The following NR2C2AP variants were observed in gnomAD, a reference collection of about 807,000 sequenced individuals.
NR2C2AP encodes the protein nuclear receptor 2C2 associated protein.
A neutral mutation model predicts 19.1 loss-of-function variants in NR2C2AP; 13 were observed. The ratio of observed to expected loss-of-function variants is 0.68; its 90% confidence interval spans 0.44 to 1.08. NR2C2AP has a LOEUF of 1.08. NR2C2AP is among the 50% of genes least tolerant of loss of function. The pLI is 0.00. For missense variants in NR2C2AP, 181 were observed against 172.7 expected, an observed-to-expected ratio of 1.05 and a Z score of -0.27; for synonymous variants, 81 against 64.4, an observed-to-expected ratio of 1.26 and a Z score of -1.23.
chr19:19,202,634 G>A (rs564515554), intron 2 of NR2C2AP, 59 bp from the exon 3 acceptor site: 133 of 1,471,302 alleles, frequency 9.0e-5, no homozygotes, highest in East Asian at 4.5e-4. Flanking sequence ...GCCCTGCTAT[G>A]CCTGTCTCAT....
Position 19,201,750 on chromosome 19 carries a change from G to T in NR2C2AP, c.*175C>A. 1 of 1,613,658 alleles carries T rather than the reference G, an allele frequency of 6.2e-7. No homozygotes were observed. Among genetic ancestry groups the T allele is most frequent in the Non-Finnish European group, 8.5e-7 (1 of 1,179,920 alleles). On this transcript the variant is annotated 3_prime_UTR_variant, in exon 5 of 5. Coordinates refer to ENST00000331552, the MANE Select transcript of NR2C2AP (RefSeq NM_176880.6). ...GCCTGCCGGGGACTCAGACACTCAGGGAACAAAATGGTCAGCCAGAGCTGG... is the reference window on the plus strand; with the variant it reads ...GCCTGCCGGGGACTCAGACACTCAGTGAACAAAATGGTCAGCCAGAGCTGG...
chr19:19,203,044 AC>A lies in NR2C2AP; in HGVS notation c.16del (p.Val6PhefsTer6). On this transcript the variant is annotated frameshift_variant, in exon 1 of 5. Coordinates refer to ENST00000331552, the MANE Select transcript of NR2C2AP (RefSeq NM_176880.6). LOFTEE classifies it high-confidence loss of function. Reference protein sequence around the residue: MTHSLVCPETVSRVSS... With the variant: MTHSLXCPETVSRVSS... ...TTACCTGCTCACTGTCTCTGGACAA[AC>A]CAAAGAGTGGGTCATGTCGGTTCCA... 6.2e-7 allele frequency: 1 copy of A among 1,614,052 alleles called. No homozygotes were observed. Among genetic ancestry groups the A allele is most frequent in the Non-Finnish European group, 8.5e-7 (1 of 1,179,972 alleles).
Position 19,202,392 on chromosome 19 carries a change from T to C in NR2C2AP, c.242A>G (p.Gln81Arg). 1.2e-6 allele frequency: 2 copies of C among 1,614,038 alleles called. No individual in the cohort carries two copies. Among genetic ancestry groups the C allele is most frequent in the Non-Finnish European group, 1.7e-6 (2 of 1,179,942 alleles). Residue 81 changes from glutamine (Q) to arginine (R), a missense_variant, in exon 4 of 5, where the codon CAG becomes CGG. Physicochemically the swap from Gln to Arg is conservative, Grantham distance 43. Coordinates refer to ENST00000331552, the MANE Select transcript of NR2C2AP (RefSeq NM_176880.6). ...AATCTTGTGGAGAGCCTGAGTGCCCTGTGAACCTTCAGCAGAGAAAGGCAA... is the reference window on the plus strand; with the variant it reads ...AATCTTGTGGAGAGCCTGAGTGCCCCGTGAACCTTCAGCAGAGAAAGGCAA... Reference protein sequence around the residue: ...SSRRGCLEGSQGTQALHKIVD... With the variant: ...SSRRGCLEGSRGTQALHKIVD...
In NR2C2AP at chr19:19,201,636, T is replaced by C. The variant is rs374324971; in HGVS notation, c.*289A>G. 6.2e-7 allele frequency: 1 copy of C among 1,614,058 alleles called. No individual in the cohort carries two copies. The highest frequency in any genetic ancestry group is 1.1e-5 in the South Asian group (1 of 91,084). The stretch of plus-strand genomic sequence containing the variant: ...TCAAGCTCACAGCCCACCTTTTCCC[T>C]GCCCCATCTCAGTGCAACAGGTGAT... On this transcript the variant is annotated 3_prime_UTR_variant, in exon 5 of 5. Transcript: ENST00000331552.
chr19:19,202,458 G>T lies in NR2C2AP; in HGVS notation c.235+12C>A, dbSNP rs983800586. ...ACCCCTGGAACCCCTGCCACCCAGGGCCTTCTAGTACCTTCCAGGCAGCCC... is the reference window on the plus strand; with the variant it reads ...ACCCCTGGAACCCCTGCCACCCAGGTCCTTCTAGTACCTTCCAGGCAGCCC... On this transcript the variant is annotated intron_variant, in intron 3 of 4. Transcript: ENST00000331552. The T allele has an allele frequency of 3.7e-6, 6 of 1,613,370 alleles. No homozygotes were observed. The Admixed American group carries it at 8.3e-5, about 22-fold the overall frequency.
In NR2C2AP at chr19:19,202,888, G is replaced by A. The variant is rs1399092744; in HGVS notation, c.39-7C>T. 6.2e-7 allele frequency: 1 copy of A among 1,612,474 alleles called. No homozygotes were observed. Among genetic ancestry groups the A allele is most frequent in the Admixed American group, 1.7e-5 (1 of 60,006 alleles). On this transcript the variant is annotated splice_polypyrimidine_tract_variant and splice_region_variant and intron_variant, in intron 1 of 4. Transcript: ENST00000331552. The stretch of plus-strand genomic sequence containing the variant: ...ATTCAGCACTGAACTCACCCTGGAG[G>A]CACCAGGATCAAGGCGAAGAGAGGG...
chr19:19,201,607 C>G lies in NR2C2AP; in HGVS notation c.*318G>C. 1 of 1,613,486 alleles carries G rather than the reference C, an allele frequency of 6.2e-7. No homozygotes were observed. The highest frequency in any genetic ancestry group is 1.3e-5 in the African/African-American group (1 of 75,062). The stretch of plus-strand genomic sequence containing the variant: ...TTGGCCTGTGCCTCCACCCCACTCC[C>G]GATTCAAGCTCACAGCCCACCTTTT... On this transcript the variant is annotated 3_prime_UTR_variant, in exon 5 of 5. Transcript: ENST00000331552.
chr19:19,202,624 G>T, intron 2 of NR2C2AP, 49 bp from the exon 3 acceptor site: 1 of 1,463,570 alleles, frequency 6.8e-7, no homozygotes. Context: ...CAGGCACAGA[G>T]CCCTGCTATG....
At position 19,202,779 on chromosome 19, in the gene NR2C2AP, G is replaced by T; in HGVS notation, c.129+12C>A. 6.2e-7 allele frequency: 1 copy of T among 1,611,056 alleles called. No homozygotes were observed. The highest frequency in any genetic ancestry group is 1.1e-5 in the South Asian group (1 of 91,014). On this transcript the variant is annotated intron_variant, in intron 2 of 4. Transcript: ENST00000331552. ...TCACCCTAGAGATGGAGGGTCGAGG[G>T]AGGCGCCTCACCTGGTCTGAGTTCC...
At chr19:19,202,163 C>T (rs2060730290) in intron 4 of NR2C2AP, 122 bp from the exon 5 acceptor site, 4 of 1,218,752 alleles carry the variant, frequency 3.3e-6, no homozygotes, top group Admixed American at 1.7e-5. Flanking sequence ...GCAGGTCCCT[C>T]TAAGCCTCTC....
At chr19:19,202,943 G>T (rs2060741066) in intron 1 of NR2C2AP, 62 bp from the exon 2 acceptor site, 1 of 1,607,770 alleles carries the variant, frequency 6.2e-7, no homozygotes, top group South Asian at 1.1e-5. Context: ...TCCGCGGAGG[G>T]CCTGACCCCC....
In NR2C2AP at chr19:19,201,788, C is replaced by A; in HGVS notation, c.*137G>T. 1.2e-6 allele frequency: 2 copies of A among 1,613,366 alleles called. No individual in the cohort carries two copies. Among genetic ancestry groups the A allele is most frequent in the South Asian group, 2.2e-5 (2 of 91,052 alleles). On this transcript the variant is annotated 3_prime_UTR_variant, in exon 5 of 5. Transcript: ENST00000331552. ...CAGCCAGAGCTGGGGAAACCCAGAA[C>A]TGACTTCAAAGGCAGCTTCTGGACA...
At position 19,203,145 on chromosome 19, in the gene NR2C2AP, G is replaced by T; in HGVS notation, c.-85C>A. 1 of 1,434,234 alleles carries T rather than the reference G, an allele frequency of 7.0e-7. No homozygotes were observed. 88.8% of individuals were successfully genotyped at this position (1,434,234 alleles called of 1,614,324 possible). A position where few individuals can be genotyped will look rare whatever the true frequency, so the allele number is the denominator to read the frequency against. On this transcript the variant is annotated 5_prime_UTR_variant, in exon 1 of 5. Coordinates refer to ENST00000331552, the MANE Select transcript of NR2C2AP (RefSeq NM_176880.6). ...GCGCCTCCTCAAGCTACAGGGCGGC[G>T]CGATCTTGGCTACGCCTTGGCCTGA...
chr19:19,202,204 T>A (rs1297800496), intron 4 of NR2C2AP, 127 bp downstream of exon 4: 1 of 1,186,614 alleles, frequency 8.4e-7, no homozygotes, highest in Admixed American at 1.7e-5. Flanking sequence ...AGCACCATTT[T>A]ACAGAAAAAG....
At position 19,201,479 on chromosome 19, in the gene NR2C2AP, G is replaced by A. The variant is rs1260734506; in HGVS notation, c.*446C>T. ...AAAAGTGCATTTTTACAAACTTAGG[G>A]GAAGTTGAGGTTCCTGGGGTGAGTC... On this transcript the variant is annotated 3_prime_UTR_variant, in exon 5 of 5. Transcript: ENST00000331552. 6.3e-7 allele frequency: 1 copy of A among 1,582,488 alleles called. No homozygotes were observed. Among genetic ancestry groups the A allele is most frequent in the South Asian group, 1.1e-5 (1 of 88,958 alleles).
rs765762845 is a variant in NR2C2AP at position 19,202,503 on chromosome 19, C to T, written c.202G>A (p.Gly68Ser). ...CAGCCCCGGCGACTGGAGAAGCCAC[C>T]CTGAAACTGGATCTGCAGCTGGGAG... ...RVSQLQIQFQ[G>S]GFSSRRGCLE... is the part of the protein sequence containing the mutation. The change falls in exon 3 of 5, where the codon GGT becomes AGT. Residue 68 changes from glycine to serine, a missense_variant. Physicochemically the swap from Gly to Ser is moderately conservative, Grantham distance 56. Transcript: ENST00000331552. 6.8e-6 allele frequency: 11 copies of T among 1,614,054 alleles called. No individual in the cohort carries two copies. The highest frequency in any genetic ancestry group is 2.2e-5 in the South Asian group (2 of 91,086).
chr19:19,201,498 G>T lies in NR2C2AP; in HGVS notation c.*427C>A, dbSNP rs1221798451. ...CTTAGGGGAAGTTGAGGTTCCTGGG[G>T]TGAGTCCTCGGTTCTCCCAGCTTTG... On this transcript the variant is annotated 3_prime_UTR_variant, in exon 5 of 5. Coordinates refer to ENST00000331552, the MANE Select transcript of NR2C2AP (RefSeq NM_176880.6). 6.3e-7 allele frequency: 1 copy of T among 1,594,776 alleles called. No individual in the cohort carries two copies. The highest frequency in any genetic ancestry group is 1.3e-5 in the African/African-American group (1 of 74,758).
At position 19,202,602 on chromosome 19, in the gene NR2C2AP, G is replaced by A. The variant is rs368501279; in HGVS notation, c.130-27C>T. On this transcript the variant is annotated intron_variant, in intron 2 of 4. Coordinates refer to ENST00000331552, the MANE Select transcript of NR2C2AP (RefSeq NM_176880.6). ...TGGAAGCAGACAGGGAAACTGAGGCGCAAGCTCACTGCAGGCACAGAGCCC... is the reference window on the plus strand; with the variant it reads ...TGGAAGCAGACAGGGAAACTGAGGCACAAGCTCACTGCAGGCACAGAGCCC... 4.1e-5 allele frequency: 65 copies of A among 1,578,856 alleles called. No individual in the cohort carries two copies. In the East Asian group the frequency reaches 4.7e-4, roughly 11 times the overall value.
At chr19:19,202,090 G>A (rs756570933) in intron 4 of NR2C2AP, 49 bp from the exon 5 acceptor site, 16 of 1,543,524 alleles carry the variant, frequency 1.0e-5, no homozygotes, top group South Asian at 3.4e-5. Context: ...TTTCCCACCC[G>A]CAGGCCCCCA....
Sources: allele counts gnomAD v4.1 joint callset, GRCh38; gene constraint gnomAD v4.1.1; transcripts MANE v1.5; gene names NCBI Gene and HGNC (gene_info 2026-07-23, HGNC 2026-07-21).